Variants in L3MBTL4 observed in about 807,000 individuals in gnomAD.
The protein encoded by L3MBTL4 is L3MBTL histone methyl-lysine binding protein 4.
L3MBTL4 carries 70 observed loss-of-function variants against 84.5 expected under a neutral mutation model. The ratio of observed to expected loss-of-function variants is 0.83; its 90% confidence interval spans 0.68 to 1.01. The LOEUF (loss-of-function observed/expected upper bound fraction) is 1.01, where lower values mean the gene tolerates loss of function less well. L3MBTL4 is among the 50% of genes least tolerant of loss of function. The pLI is 0.00. For synonymous variants in L3MBTL4, 274 were observed against 259.8 expected, an observed-to-expected ratio of 1.05 and a Z score of -0.52; for missense variants, 715 against 754.8, an observed-to-expected ratio of 0.95 and a Z score of 0.62.
chr18:6,276,560 C>G (rs1360228626), intron 4 of L3MBTL4, among the ~76,000 whole-genome samples: 6 of 151,234 alleles, frequency 4.0e-5, no homozygotes, highest in Non-Finnish European at 5.9e-5. Context: ...GTCATGAGGA[C>G]AGTATTCATC....
At chr18:6,316,383 G>A (rs1293861596) in intron 1 of L3MBTL4, among the ~76,000 whole-genome samples, 1 of 152,184 alleles carries the variant, frequency 6.6e-6, no homozygotes, top group African/African-American at 2.4e-5. Context: ...GGACAAAAGA[G>A]TCTGGATACC....
intron 13 of L3MBTL4, among the ~76,000 whole-genome samples, chr18:6,146,801 G>A (rs974350797): frequency 2.0e-5 from 3 of 152,154 alleles, no homozygotes; most frequent in African/African-American, 7.2e-5. Context: ...TTTAAATGTG[G>A]GAAAAAGTCA....
intron 16 of L3MBTL4, among the ~76,000 whole-genome samples, chr18:6,036,399 G>C (rs546188361): frequency 2.8e-3 from 421 of 151,870 alleles, no homozygotes; most frequent in African/African-American, 9.6e-3. Flanking sequence ...TCCCTTTGAA[G>C]CCCTCTAGTA....
intron 16 of L3MBTL4, among the ~76,000 whole-genome samples, chr18:6,062,266 T>C (rs1410377982): frequency 6.6e-6 from 1 of 151,982 alleles, no homozygotes; most frequent in Non-Finnish European, 1.5e-5. Context: ...TTATAGGTTG[T>C]GGGAAATTTC....
intron 13 of L3MBTL4, among the ~76,000 whole-genome samples, chr18:6,148,512 A>G (rs1178621284): frequency 6.6e-6 from 1 of 152,110 alleles, no homozygotes; most frequent in Non-Finnish European, 1.5e-5. Flanking sequence ...TGCAGCATCA[A>G]CTTCCTGGGC....
intron 4 of L3MBTL4, among the ~76,000 whole-genome samples, chr18:6,266,014 T>G (rs1226521676): frequency 6.6e-6 from 1 of 152,196 alleles, no homozygotes; most frequent in Non-Finnish European, 1.5e-5. Context: ...GATATGTTAA[T>G]TCACTTGATA....
intron 14 of L3MBTL4, among the ~76,000 whole-genome samples, chr18:6,129,501 A>G (rs1241064320): frequency 6.6e-6 from 1 of 151,980 alleles, no homozygotes; most frequent in African/African-American, 2.4e-5. Context: ...TTGAAAGTTG[A>G]ATTAGTTCAC....
chr18:6,226,682 T>TA (rs1318275080), intron 10 of L3MBTL4, among the ~76,000 whole-genome samples: 3 of 152,098 alleles, frequency 2.0e-5, no homozygotes, highest in Non-Finnish European at 4.4e-5. Context: ...TATAATAAAG[T>TA]AGACTGCGAT....
chr18:6,327,074 G>A (rs144373039), intron 1 of L3MBTL4, among the ~76,000 whole-genome samples: 48 of 152,306 alleles, frequency 3.2e-4, no homozygotes, highest in African/African-American at 1.1e-3. Flanking sequence ...TTAAATATAA[G>A]TATCCTCTTC....
intron 13 of L3MBTL4, among the ~76,000 whole-genome samples, chr18:6,171,166 A>G (rs1273996655): frequency 6.6e-6 from 1 of 152,190 alleles, no homozygotes; most frequent in Admixed American, 6.5e-5. Flanking sequence ...AGGGAAAGTG[A>G]AGCAGTGAGG....
At chr18:5,966,814 A>G (rs1289083702) in intron 17 of L3MBTL4, among the ~76,000 whole-genome samples, 1 of 152,112 alleles carries the variant, frequency 6.6e-6, no homozygotes, top group African/African-American at 2.4e-5. Context: ...CTCACATATT[A>G]TTACCCCAAT....
At chr18:6,019,491 C>T (rs748273502) in intron 16 of L3MBTL4, among the ~76,000 whole-genome samples, 3 of 152,204 alleles carry the variant, frequency 2.0e-5, no homozygotes, top group South Asian at 2.1e-4. Context: ...TTTCTTCGTT[C>T]GTCTTCAGGT....
intron 4 of L3MBTL4, among the ~76,000 whole-genome samples, chr18:6,272,403 AGTTGTGC>A (rs1568418373): frequency 4.0e-5 from 6 of 149,672 alleles, no homozygotes; most frequent in Non-Finnish European, 7.4e-5. Flanking sequence ...GGAAAGGGGG[AGTTGTGC>A]AGATTCAACT....
intron 5 of L3MBTL4, chr18:6,260,260 T>C (rs1055152690): frequency 1.3e-5 from 2 of 152,224 alleles, no homozygotes; most frequent in African/African-American, 4.8e-5. Context: ...GCTTTCACTA[T>C]TTGGGCTCTT....
At chr18:6,212,043 T>C (rs1167595200) in intron 12 of L3MBTL4, among the ~76,000 whole-genome samples, 1 of 152,106 alleles carries the variant, frequency 6.6e-6, no homozygotes, top group African/African-American at 2.4e-5. Context: ...GCCATAAGAG[T>C]AAACAGTAAA....
intron 4 of L3MBTL4, among the ~76,000 whole-genome samples, chr18:6,295,309 ACTCTCTCTCTCT>A (rs58507219): frequency 6.5e-3 from 410 of 62,732 alleles, no homozygotes; most frequent in Non-Finnish European, 9.4e-3. Context: ...AACAACAACA[ACTCTCTCTCTCT>A]CTCTCTCTCT....
chr18:6,090,588 A>G lies in L3MBTL4; in HGVS notation c.1373+2767T>C, dbSNP rs956275928. 1.6e-4 allele frequency among the ~76,000 whole-genome samples: 20 copies of G among 126,122 alleles called. 1 individual carries two copies. The highest frequency in any genetic ancestry group is 1.4e-3 in the Admixed American group (19 of 13,212). The allele number at this position is 126,122 out of a possible 152,430, so 82.7% of individuals were successfully genotyped here. A position where few individuals can be genotyped will look rare whatever the true frequency, so the allele number is the denominator to read the frequency against. On this transcript the variant is annotated intron_variant, in intron 15 of 18. Coordinates refer to ENST00000317931, the MANE Select transcript of L3MBTL4 (RefSeq NM_001330559.2). ...ATAAATATATGTGTATATATATTATATATATACACACACACACACACACAC... is the reference window on the plus strand; with the variant it reads ...ATAAATATATGTGTATATATATTATGTATATACACACACACACACACACAC...
At chr18:5,993,933 A>G (rs1367327635) in intron 16 of L3MBTL4, among the ~76,000 whole-genome samples, 1 of 152,222 alleles carries the variant, frequency 6.6e-6, no homozygotes, top group Non-Finnish European at 1.5e-5. Flanking sequence ...ATGTTAGTAA[A>G]GTTAGATGAA....
In L3MBTL4 at chr18:5,956,061, T is replaced by C. The variant is rs772010804; in HGVS notation, c.*159A>G. 21 of 682,566 alleles carry C rather than the reference T, an allele frequency of 3.1e-5. No homozygotes were observed. The highest frequency in any genetic ancestry group is 5.2e-5 in the Non-Finnish European group (21 of 404,668). 42.3% of individuals were successfully genotyped at this position (682,566 alleles called of 1,614,324 possible). On this transcript the variant is annotated 3_prime_UTR_variant, in exon 19 of 19. Coordinates refer to ENST00000317931, the MANE Select transcript of L3MBTL4 (RefSeq NM_001330559.2). ...TGAGTCATTGGCACTGGACCAGTCA[T>C]CAAAATCCTCTAAACATGTAAACAA...
Sources: gnomAD v4.1 joint callset for allele counts (sites outside exome capture counted in the v4.1 genomes callset) on GRCh38, gnomAD v4.1.1 for gene constraint, MANE v1.5 for transcripts, NCBI Gene and HGNC (gene_info 2026-07-23, HGNC 2026-07-21) for gene names.